The following FARP1 variants were observed in gnomAD, a reference collection of about 807,000 sequenced individuals.
FARP1 encodes the protein FERM, ARH/RhoGEF and pleckstrin domain protein 1.
Under a neutral mutation model 128.8 loss-of-function variants are expected in FARP1, and 52 were observed. The ratio of observed to expected loss-of-function variants is 0.40; its 90% confidence interval spans 0.32 to 0.51. FARP1 has a LOEUF of 0.51. Among genes scored for constraint, FARP1 ranks in the 20% least tolerant of loss-of-function variants. FARP1 has a pLI of 0.45. For synonymous variants in FARP1, 580 were observed against 551.8 expected, an observed-to-expected ratio of 1.05 and a Z score of -0.72; for missense variants, 1,333 against 1,367.9, an observed-to-expected ratio of 0.97 and a Z score of 0.40.
chr13:98,270,163 T>C (rs1461566628), intron 2 of FARP1, among the ~76,000 whole-genome samples: 2 of 152,170 alleles, frequency 1.3e-5, no homozygotes, highest in Non-Finnish European at 2.9e-5. Flanking sequence ...AAGAAAATTG[T>C]TTTTCTTGGG....
At chr13:98,266,954 C>T (rs1319496139) in intron 2 of FARP1, among the ~76,000 whole-genome samples, 1 of 134,662 alleles carries the variant, frequency 7.4e-6, no homozygotes, top group African/African-American at 2.9e-5. Flanking sequence ...GTGGAGGTTG[C>T]AGTGAGCCAA....
intron 3 of FARP1, among the ~76,000 whole-genome samples, chr13:98,350,764 G>A (rs1303527620): frequency 2.0e-5 from 3 of 151,904 alleles, no homozygotes; most frequent in African/African-American, 4.8e-5. Context: ...TCCCCTCCCC[G>A]GGCTAGCCAA....
intron 2 of FARP1, among the ~76,000 whole-genome samples, chr13:98,316,283 C>T (rs2139767961): frequency 6.6e-6 from 1 of 152,250 alleles, no homozygotes; most frequent in South Asian, 2.1e-4. Flanking sequence ...AAGCAAAACC[C>T]CTAGCCAACA....
At chr13:98,447,456 TGTGACAAAGGG>T (rs1163153488) in intron 26 of FARP1, 2 of 152,500 alleles carry the variant, frequency 1.3e-5, no homozygotes, top group Non-Finnish European at 2.9e-5. Context: ...TTGCTATTAT[TGTGACAAAGGG>T]TCCAGCCTTG....
intron 2 of FARP1, among the ~76,000 whole-genome samples, chr13:98,282,682 A>T (rs1447628151): frequency 6.6e-6 from 1 of 152,184 alleles, no homozygotes; most frequent in East Asian, 1.9e-4. Context: ...AGGCAGGCGG[A>T]TCACAAAGTC....
chr13:98,307,487 C>G (rs1001546452), intron 2 of FARP1, among the ~76,000 whole-genome samples: 8 of 152,104 alleles, frequency 5.3e-5, no homozygotes, highest in Admixed American at 3.9e-4. Flanking sequence ...TATCTCCTGC[C>G]CAGCCTTGTG....
At chr13:98,200,462 C>T (rs1879870043) in intron 1 of FARP1, among the ~76,000 whole-genome samples, 1 of 143,680 alleles carries the variant, frequency 7.0e-6, no homozygotes, top group African/African-American at 2.6e-5. Context: ...CTAATGAGCT[C>T]GCAGGTGATG....
In FARP1 at chr13:98,265,609, G is replaced by A. The variant is rs555746850; in HGVS notation, c.171+52196G>A. 2.3e-3 allele frequency among the ~76,000 whole-genome samples: 347 copies of A among 152,032 alleles called. 4 individuals carry two copies. The highest frequency in any genetic ancestry group is 8.1e-3 in the African/African-American group (334 of 41,430). ...GCTGGGATTACAGGCGTGAGCCACC[G>A]CGCCCAGCCCTTCCTGAATTTATAT... is the stretch of plus-strand genomic sequence containing the variant. On this transcript the variant is annotated intron_variant, in intron 2 of 26. Transcript: ENST00000319562.
intron 4 of FARP1, 81 bp from the exon 5 acceptor site, chr13:98,368,036 G>T (rs1889173389): frequency 8.9e-7 from 1 of 1,126,632 alleles, no homozygotes; most frequent in South Asian, 1.3e-5. Context: ...TGCATTATTT[G>T]TATTTGTAAA....
At chr13:98,228,527 T>A (rs1310371788) in intron 2 of FARP1, among the ~76,000 whole-genome samples, 3 of 152,278 alleles carry the variant, frequency 2.0e-5, no homozygotes, top group Admixed American at 2.0e-4. Flanking sequence ...TTCCCTACCA[T>A]TCATCGCATC....
intron 2 of FARP1, among the ~76,000 whole-genome samples, chr13:98,224,980 T>C (rs1228458492): frequency 6.6e-6 from 1 of 152,202 alleles, no homozygotes; most frequent in Non-Finnish European, 1.5e-5. Context: ...CAGGCATCAA[T>C]AAGAATACCT....
intron 6 of FARP1, among the ~76,000 whole-genome samples, chr13:98,381,131 C>A (rs563711079): frequency 6.6e-6 from 1 of 152,256 alleles, no homozygotes; most frequent in South Asian, 2.1e-4. Context: ...TGGTATTTGA[C>A]ATACAGTCAT....
intron 1 of FARP1, among the ~76,000 whole-genome samples, chr13:98,169,672 T>C (rs980908927): frequency 1.8e-4 from 28 of 152,250 alleles, no homozygotes; most frequent in African/African-American, 6.5e-4. Context: ...TTTGAAGACA[T>C]TGCTCCGTTG....
chr13:98,151,954 G>T (rs189839360), intron 1 of FARP1, among the ~76,000 whole-genome samples: 1 of 151,988 alleles, frequency 6.6e-6, no homozygotes, highest in East Asian at 1.9e-4. Flanking sequence ...GAGCCACCAC[G>T]CCTGGCCATA....
Position 98,439,115 on chromosome 13 carries a change from C to T in FARP1, c.2352C>T (p.Asp784=), listed in dbSNP as rs372343501. The change falls in exon 21 of 27, where the codon GAC becomes GAT. Residue 784 remains aspartate, a synonymous_variant. Coordinates refer to ENST00000319562, the MANE Select transcript of FARP1 (RefSeq NM_005766.4). ...LQQRMFFLFN[D]VLLYTSRGLT... Reference sequence around the variant, plus strand: ...ACTTCTGATTCCTCCAGTTCAACGACGTCCTGCTATACACGAGCCGGGGGC... The same window carrying T: ...ACTTCTGATTCCTCCAGTTCAACGATGTCCTGCTATACACGAGCCGGGGGC... The T allele has an allele frequency of 4.1e-5, 66 of 1,613,448 alleles. No individual in the cohort carries two copies. In the Admixed American group the frequency reaches 5.0e-4, roughly 12 times the overall value.
intron 16 of FARP1, among the ~76,000 whole-genome samples, chr13:98,420,995 A>T (rs7982097): frequency 6.6e-6 from 1 of 152,188 alleles, no homozygotes; most frequent in South Asian, 2.1e-4. Context: ...GGGACTTGCT[A>T]TGTGAGCTGG....
chr13:98,315,511 C>A (rs192665072), intron 2 of FARP1, among the ~76,000 whole-genome samples: 50 of 152,254 alleles, frequency 3.3e-4, no homozygotes, highest in African/African-American at 1.2e-3. Flanking sequence ...TACTTGTGCC[C>A]GTTTGTCTCC....
At chr13:98,222,634 G>GT (rs1303028142) in intron 2 of FARP1, among the ~76,000 whole-genome samples, 2 of 147,594 alleles carry the variant, frequency 1.4e-5, no homozygotes, top group East Asian at 2.0e-4. Flanking sequence ...TTTTTTTTTT[G>GT]TTTTTTGAGA....
At chr13:98,437,258 C>T (rs77765951) in intron 19 of FARP1, among the ~76,000 whole-genome samples, 1,831 of 152,258 alleles carry the variant, frequency 0.012, 39 homozygotes, top group African/African-American at 0.041. Context: ...GTTTCTTAAT[C>T]ATTTGCCCCT....
Sources: gnomAD v4.1 joint callset for allele counts (sites outside exome capture counted in the v4.1 genomes callset) on GRCh38, gnomAD v4.1.1 for gene constraint, MANE v1.5 for transcripts, NCBI Gene and HGNC (gene_info 2026-07-23, HGNC 2026-07-21) for gene names.